The following WWC1 variants were observed in gnomAD, a reference collection of about 807,000 sequenced individuals.
WWC1 encodes WW and C2 domain containing 1.
In WWC1, 55 loss-of-function variants were observed where a neutral mutation model predicts 138.4. The ratio of observed to expected loss-of-function variants is 0.40; its 90% CI spans 0.32 to 0.50. The LOEUF (loss-of-function observed/expected upper bound fraction) is 0.50, where lower values mean the gene tolerates loss of function less well. WWC1 is among the 20% of genes least tolerant of loss of function. The pLI, the probability that WWC1 is intolerant of heterozygous loss-of-function variation, is 0.72. For missense variants in WWC1, 1,226 were observed against 1,420.4 expected, an observed-to-expected ratio of 0.86 and a Z score of 2.20; for synonymous variants, 524 against 564.9, an observed-to-expected ratio of 0.93 and a Z score of 1.03.
intron 1 of WWC1, among the ~76,000 whole-genome samples, chr5:168,297,273 A>G (rs942052163): frequency 2.6e-5 from 4 of 152,082 alleles, no homozygotes; most frequent in African/African-American, 9.7e-5. Flanking sequence ...TATCTACCCA[A>G]TTTTGCAGCT....
At chr5:168,352,982 T>G (rs994398909) in intron 1 of WWC1, among the ~76,000 whole-genome samples, 3 of 152,202 alleles carry the variant, frequency 2.0e-5, no homozygotes, top group Admixed American at 1.3e-4. Context: ...TCAATGCCTA[T>G]TGCATAGTAA....
At chr5:168,336,847 T>C (rs898920283) in intron 1 of WWC1, among the ~76,000 whole-genome samples, 1 of 152,216 alleles carries the variant, frequency 6.6e-6, no homozygotes, top group Non-Finnish European at 1.5e-5. Flanking sequence ...TGTGTGACTG[T>C]AGCAAGATGC....
intron 5 of WWC1, among the ~76,000 whole-genome samples, chr5:168,400,934 GAA>G (rs1779260698): frequency 6.6e-6 from 1 of 151,624 alleles, no homozygotes; most frequent in Admixed American, 6.6e-5. Context: ...GAACGAGAGA[GAA>G]AGAGAAAAAG....
At chr5:168,403,079 T>TTTCTTTCTTTCTTTCTTTCC (rs1491364364) in intron 5 of WWC1, among the ~76,000 whole-genome samples, 5 of 95,782 alleles carry the variant, frequency 5.2e-5, no homozygotes, top group African/African-American at 1.7e-4. Context: ...TCTTTCTTTC[T>TTTCTTTCTTTCTTTCTTTCC]TTTCTTTCTT....
intron 15 of WWC1, among the ~76,000 whole-genome samples, chr5:168,441,439 TA>T (rs1363353413): frequency 6.6e-6 from 1 of 152,092 alleles, no homozygotes; most frequent in Non-Finnish European, 1.5e-5. Context: ...TTTTTTTAAT[TA>T]AAAAAATTCA....
At chr5:168,394,464 C>T (rs1159099109) in intron 3 of WWC1, among the ~76,000 whole-genome samples, 3 of 151,172 alleles carry the variant, frequency 2.0e-5, no homozygotes, top group African/African-American at 4.9e-5. Flanking sequence ...TGGTGGCTCA[C>T]GCCTGTAATC....
chr5:168,431,595 A>C, intron 15 of WWC1, 151 bp downstream of exon 15: 1 of 885,894 alleles, frequency 1.1e-6, no homozygotes, highest in Non-Finnish European at 1.6e-6. Flanking sequence ...AATCAGGCTC[A>C]TCTTGGATTC....
chr5:168,378,544 T>G (rs1232223931), intron 2 of WWC1, among the ~76,000 whole-genome samples: 3 of 152,250 alleles, frequency 2.0e-5, no homozygotes, highest in Non-Finnish European at 4.4e-5. Context: ...AGACTCTTTG[T>G]GTATGTTACT....
chr5:168,402,640 C>A (rs6555808), intron 5 of WWC1, among the ~76,000 whole-genome samples: 150,011 of 152,244 alleles, frequency 0.99, 73,931 homozygotes, highest in Middle Eastern at 1. Context: ...TTTTAAGAGA[C>A]GTTTTTGTCC....
intron 1 of WWC1, among the ~76,000 whole-genome samples, chr5:168,321,016 A>G (rs2152758376): frequency 6.6e-6 from 1 of 152,324 alleles, no homozygotes; most frequent in South Asian, 2.1e-4. Context: ...AAATTACGGC[A>G]GTTAGCTAAG....
chr5:168,336,656 C>A (rs1773495233), intron 1 of WWC1, among the ~76,000 whole-genome samples: 1 of 151,988 alleles, frequency 6.6e-6, no homozygotes, highest in African/African-American at 2.4e-5. Flanking sequence ...AGCCTGTGCC[C>A]CAGAACTCCT....
At chr5:168,442,762 G>A (rs983875889) in intron 16 of WWC1, among the ~76,000 whole-genome samples, 5 of 151,094 alleles carry the variant, frequency 3.3e-5, no homozygotes, top group East Asian at 1.9e-4. Context: ...GCTTAAACCC[G>A]GGAGGCAGAG....
At chr5:168,335,017 T>C (rs1773342166) in intron 1 of WWC1, among the ~76,000 whole-genome samples, 1 of 151,844 alleles carries the variant, frequency 6.6e-6, no homozygotes, top group African/African-American at 2.4e-5. Flanking sequence ...ACCTTGAAGT[T>C]CTAGCCTTGA....
intron 2 of WWC1, among the ~76,000 whole-genome samples, chr5:168,372,053 T>TTGTGTGTGTGTGTGTGTGTG (rs10595228): frequency 7.1e-6 from 1 of 141,262 alleles, no homozygotes; most frequent in Non-Finnish European, 1.5e-5. Context: ...AAGAGTGTGT[T>TTGTGTGTGTGTGTGTGTGTG]TGTGTGTGTG....
Position 168,471,150 on chromosome 5 carries a change from C to T in WWC1, c.*2133C>T, listed in dbSNP as rs1025183039. 2.0e-5 allele frequency: 3 copies of T among 152,452 alleles called. No homozygotes were observed. Among genetic ancestry groups the T allele is most frequent in the Non-Finnish European group, 4.4e-5 (3 of 68,304 alleles). 9.4% of individuals were successfully genotyped at this position (152,452 alleles called of 1,614,324 possible). A position where few individuals can be genotyped will look rare whatever the true frequency, so the allele number is the denominator to read the frequency against. On this transcript the variant is annotated 3_prime_UTR_variant, in exon 23 of 23. Coordinates refer to ENST00000265293, the MANE Select transcript of WWC1 (RefSeq NM_015238.3). ...TTCACTTGCTGCTGAGGCTCTTCCCCCTCTCCCCAGCATACTCCTTACCTG... is the reference window on the plus strand; with the variant it reads ...TTCACTTGCTGCTGAGGCTCTTCCCTCTCTCCCCAGCATACTCCTTACCTG...
chr5:168,407,205 C>T (rs1370554850), intron 6 of WWC1, among the ~76,000 whole-genome samples: 1 of 152,168 alleles, frequency 6.6e-6, no homozygotes, highest in Non-Finnish European at 1.5e-5. Flanking sequence ...TGCCTCTATG[C>T]TGGGAACTGA....
chr5:168,337,636 G>C (rs557547568), intron 1 of WWC1, among the ~76,000 whole-genome samples: 5 of 152,248 alleles, frequency 3.3e-5, no homozygotes, highest in Non-Finnish European at 7.3e-5. Context: ...CACTGTTTCT[G>C]TTTTCATGGA....
At chr5:168,368,079 G>C (rs1582057558) in intron 1 of WWC1, among the ~76,000 whole-genome samples, 1 of 145,276 alleles carries the variant, frequency 6.9e-6, no homozygotes, top group Non-Finnish European at 1.5e-5. Flanking sequence ...GCAAAATAAA[G>C]AACACTTCAT....
intron 4 of WWC1, among the ~76,000 whole-genome samples, chr5:168,398,471 A>G (rs745944212): frequency 1.3e-5 from 2 of 152,206 alleles, no homozygotes; most frequent in Non-Finnish European, 2.9e-5. Context: ...GTTACAAGAG[A>G]TTCAAGTCTT....
Sources: gnomAD v4.1 joint callset for allele counts (sites outside exome capture counted in the v4.1 genomes callset) on GRCh38, gnomAD v4.1.1 for gene constraint, MANE v1.5 for transcripts, NCBI Gene and HGNC (gene_info 2026-07-23, HGNC 2026-07-21) for gene names.